Variants in WNT7B observed in about 807,000 individuals in gnomAD.
The protein encoded by WNT7B is protein Wnt-7b.
A neutral mutation model predicts 38.2 loss-of-function variants in WNT7B; 19 were observed. That is an observed-to-expected ratio of 0.50 (90% CI 0.35 to 0.73). The LOEUF is 0.73. WNT7B is among the 30% of genes least tolerant of loss of function. The pLI is 0.01. For missense variants in WNT7B, 423 were observed against 507.9 expected (o/e 0.83, Z 1.61); for synonymous variants, 243 against 209.3 (o/e 1.16, Z -1.39).
chr22:45,950,800 G>A lies in WNT7B; in HGVS notation c.72-654C>T, dbSNP rs145106434. Among the ~76,000 whole-genome samples the A allele has an allele frequency of 6.6e-3, 1,001 of 152,370 alleles. 4 individuals carry two copies. Among genetic ancestry groups the A allele is most frequent in the Non-Finnish European group, 9.7e-3 (657 of 68,038 alleles). On this transcript the variant is annotated intron_variant, in intron 1 of 3. Coordinates refer to ENST00000339464, the MANE Select transcript of WNT7B (RefSeq NM_058238.3). Reference sequence around the variant, plus strand: ...TCAGACGACCACAGGGAGAAAGCCCGCACCGGGAATGGTGGCTGTTGCTGT... The same window carrying A: ...TCAGACGACCACAGGGAGAAAGCCCACACCGGGAATGGTGGCTGTTGCTGT...
chr22:45,974,890 A>G (rs1217892556), intron 1 of WNT7B, among the ~76,000 whole-genome samples: 1 of 152,034 alleles, frequency 6.6e-6, no homozygotes, highest in East Asian at 1.9e-4. Context: ...GGGCATACAG[A>G]CCTCAAGCCC....
At chr22:45,973,311 G>C (rs1932491254) in intron 1 of WNT7B, among the ~76,000 whole-genome samples, 1 of 152,208 alleles carries the variant, frequency 6.6e-6, no homozygotes. Context: ...GCCAATTCTG[G>C]TTCCACATGA....
chr22:45,929,967 T>C (rs72487699), intron 3 of WNT7B, among the ~76,000 whole-genome samples: 10,597 of 56,782 alleles, frequency 0.19, 614 homozygotes, highest in African/African-American at 0.37. Flanking sequence ...CATACATCTA[T>C]CCATCCATCC....
intron 2 of WNT7B, chr22:45,935,772 G>A (rs1931499755): frequency 1.0e-6 from 1 of 973,542 alleles, no homozygotes; most frequent in African/African-American, 1.8e-5. Context: ...TTTCACAGAT[G>A]GGAAAACCGA....
intron 3 of WNT7B, chr22:45,925,175 G>A: frequency 1.0e-6 from 1 of 974,296 alleles, no homozygotes; most frequent in Non-Finnish European, 1.2e-6. Flanking sequence ...CATCAGGTGG[G>A]TGCCGGGTGG....
chr22:45,939,670 CAA>C (rs1931598892), intron 2 of WNT7B, among the ~76,000 whole-genome samples: 1 of 151,486 alleles, frequency 6.6e-6, no homozygotes, highest in African/African-American at 2.4e-5. Flanking sequence ...CACACACACA[CAA>C]AAATAGCCAG....
chr22:45,975,154 G>T lies in WNT7B; in HGVS notation c.71+1530C>A, dbSNP rs766983951. 6.6e-5 allele frequency among the ~76,000 whole-genome samples: 10 copies of T among 152,144 alleles called. No individual in the cohort carries two copies. Among genetic ancestry groups the T allele is most frequent in the Non-Finnish European group, 1.2e-4 (8 of 68,008 alleles). On this transcript the variant is annotated intron_variant, in intron 1 of 3. Coordinates refer to ENST00000339464, the MANE Select transcript of WNT7B (RefSeq NM_058238.3). This position sits in a 1 kb window ranked among gnomAD's most constrained non-coding sequence, Gnocchi z 6.6. Reference sequence around the variant, plus strand: ...CCCAGTTTCCTAATCCTTGAATCCGGGAGAGTAAAAGCACCTAACTACTCT... The same window carrying T: ...CCCAGTTTCCTAATCCTTGAATCCGTGAGAGTAAAAGCACCTAACTACTCT...
At chr22:45,927,383 C>CTGCCCATCTCACTCT (rs1407471274) in intron 3 of WNT7B, 1 of 1,509,608 alleles carries the variant, frequency 6.6e-7, no homozygotes, top group African/African-American at 1.4e-5. Context: ...CCTCCAGACT[C>CTGCCCATCTCACTCT]TGCCCATCTC....
At chr22:45,974,275 G>A (rs1932508661) in intron 1 of WNT7B, among the ~76,000 whole-genome samples, 1 of 152,180 alleles carries the variant, frequency 6.6e-6, no homozygotes, top group Non-Finnish European at 1.5e-5. Flanking sequence ...GGCTAGGAGT[G>A]ACAGGAGGAC....
chr22:45,945,021 C>T (rs1931761264), intron 2 of WNT7B, among the ~76,000 whole-genome samples: 1 of 152,154 alleles, frequency 6.6e-6, no homozygotes, highest in African/African-American at 2.4e-5. Flanking sequence ...TCAGGTGAGC[C>T]GCAGGTGTCC....
chr22:45,925,923 G>A, intron 3 of WNT7B: 1 of 985,308 alleles, frequency 1.0e-6, no homozygotes. Context: ...TGCTCCTGCT[G>A]TGGCCCAGGA....
intron 2 of WNT7B, among the ~76,000 whole-genome samples, chr22:45,940,575 C>T (rs570532100): frequency 9.2e-5 from 14 of 152,344 alleles, no homozygotes; most frequent in African/African-American, 3.1e-4. Context: ...GGCTCTCAGC[C>T]TCCCATCCAT....
chr22:45,960,296 T>C (rs1265306384), intron 1 of WNT7B, among the ~76,000 whole-genome samples: 1 of 152,108 alleles, frequency 6.6e-6, no homozygotes, highest in East Asian at 1.9e-4. Flanking sequence ...AGACCCCTCC[T>C]TGGGGAGGCA....
chr22:45,971,837 C>T (rs899944925), intron 1 of WNT7B, among the ~76,000 whole-genome samples: 1 of 152,220 alleles, frequency 6.6e-6, no homozygotes, highest in African/African-American at 2.4e-5. Flanking sequence ...CAGGGAATCT[C>T]GGCGCCGCTC....
intron 1 of WNT7B, among the ~76,000 whole-genome samples, chr22:45,961,390 G>A (rs976118462): frequency 6.6e-6 from 1 of 152,196 alleles, no homozygotes; most frequent in Non-Finnish European, 1.5e-5. Flanking sequence ...ACCTGTGGGG[G>A]AGGGACAGGC....
intron 1 of WNT7B, chr22:45,972,085 G>T (rs971632996): frequency 2.2e-4 from 121 of 555,544 alleles, no homozygotes; most frequent in Non-Finnish European, 3.7e-4. Flanking sequence ...TTCCCTGCCC[G>T]CCCGGTTCCA....
Position 45,942,890 on chromosome 22 carries a change from C to T in WNT7B, c.298+7030G>A, listed in dbSNP as rs574546000. Among the ~76,000 whole-genome samples the T allele has an allele frequency of 3.3e-4, 49 of 149,798 alleles. 1 individual carries two copies. Among genetic ancestry groups the T allele is most frequent in the East Asian group, 2.6e-3 (13 of 5,026 alleles). ...GTGTGTGCGTGTGTGCATGTATGTG[C>T]GTGTGTGTGCGCGCGTGTGTGCAGT... On this transcript the variant is annotated intron_variant, in intron 2 of 3. Transcript: ENST00000339464.
intron 1 of WNT7B, among the ~76,000 whole-genome samples, chr22:45,970,663 C>A (rs1254831868): frequency 6.6e-6 from 1 of 152,214 alleles, no homozygotes; most frequent in East Asian, 1.9e-4. Context: ...ACCGGAGCTG[C>A]CAATTCTCTA....
chr22:45,957,738 T>C (rs1284762421), intron 1 of WNT7B, among the ~76,000 whole-genome samples: 1 of 102,322 alleles, frequency 9.8e-6, no homozygotes, highest in African/African-American at 3.4e-5. Context: ...AAAATTCAAA[T>C]GCCAACTTTA....
Sources: gnomAD v4.1 joint callset for allele counts (sites outside exome capture counted in the v4.1 genomes callset) on GRCh38, gnomAD v4.1.1 for gene constraint, Gnocchi (gnomAD v3.1) non-coding constraint, MANE v1.5 for transcripts, NCBI Gene and HGNC (gene_info 2026-07-23, HGNC 2026-07-21) for gene names.